The following PTPN2 variants were observed in gnomAD, a reference collection of about 807,000 sequenced individuals.
PTPN2 encodes the protein tyrosine-protein phosphatase non-receptor type 2.
A neutral mutation model predicts 57.3 loss-of-function variants in PTPN2; 19 were observed. That is an observed-to-expected ratio of 0.33 (90% CI 0.23 to 0.49). The LOEUF (loss-of-function observed/expected upper bound fraction) is 0.49, where lower values mean the gene tolerates loss of function less well. Ranked by LOEUF, PTPN2 falls within the 20% of genes least tolerant of loss-of-function variation. The probability of loss-of-function intolerance (pLI) is 0.99; values close to 1 mark genes in which losing one functional copy is unlikely to be tolerated. For synonymous variants in PTPN2, 153 were observed against 164.9 expected (o/e 0.93, Z 0.55); for missense variants, 358 against 501.1 (o/e 0.71, Z 2.73).
rs45456495 is a variant in PTPN2 at position 12,792,229 on chromosome 18, A to C, written c.*2049T>G. Reference sequence around the variant, plus strand: ...CTTTCAACATAATTTAACACATTCAAGGAGACTATGCAAATCAATTCAAAA... The same window carrying C: ...CTTTCAACATAATTTAACACATTCACGGAGACTATGCAAATCAATTCAAAA... On this transcript the variant is annotated 3_prime_UTR_variant, in exon 9 of 9. Transcript: ENST00000309660. The C allele has an allele frequency of 1.1e-6, 1 of 946,256 alleles. No homozygotes were observed. Among genetic ancestry groups the C allele is most frequent in the Non-Finnish European group, 1.3e-6 (1 of 793,958 alleles). 58.6% of individuals were successfully genotyped at this position (946,256 alleles called of 1,614,324 possible).
In PTPN2 at chr18:12,881,823, T is replaced by C. The variant is rs575284914; in HGVS notation, c.69+2250A>G. Among the ~76,000 whole-genome samples the C allele has an allele frequency of 3.3e-5, 5 of 152,334 alleles. No homozygotes were observed. In the South Asian group the frequency reaches 6.2e-4, roughly 19 times the overall value. On this transcript the variant is annotated intron_variant, in intron 1 of 8. Coordinates refer to ENST00000309660, the MANE Select transcript of PTPN2 (RefSeq NM_002828.4). ...CTGTGCTTCAAGCTAGCTTTACATG[T>C]ATCACTTTAACGTTTTCATCAGCTT...
intron 7 of PTPN2, among the ~76,000 whole-genome samples, chr18:12,812,321 C>T (rs1327383660): frequency 6.6e-6 from 1 of 152,170 alleles, no homozygotes; most frequent in African/African-American, 2.4e-5. Context: ...TCACTTTGGG[C>T]TGGGTGCGGT....
chr18:12,831,347 G>A (rs1206157885), intron 3 of PTPN2, among the ~76,000 whole-genome samples: 1 of 152,326 alleles, frequency 6.6e-6, no homozygotes, highest in South Asian at 2.1e-4. Flanking sequence ...CAAGGGTTAA[G>A]ACACAAGCAA....
chr18:12,854,003 G>A (rs2043485920), intron 2 of PTPN2, among the ~76,000 whole-genome samples: 2 of 152,128 alleles, frequency 1.3e-5, no homozygotes, highest in Admixed American at 6.6e-5. Context: ...CTGTAATGAC[G>A]AGGAAAAGCG....
At chr18:12,799,611 G>A (rs1457697903) in intron 8 of PTPN2, among the ~76,000 whole-genome samples, 5 of 149,642 alleles carry the variant, frequency 3.3e-5, no homozygotes, top group Admixed American at 3.3e-4. Context: ...TGAGATAAGA[G>A]TCTTGCTCTG....
chr18:12,832,067 G>T (rs1362414135), intron 3 of PTPN2, among the ~76,000 whole-genome samples: 1 of 152,178 alleles, frequency 6.6e-6, no homozygotes, highest in Admixed American at 6.5e-5. Context: ...GGCTAGGGCT[G>T]CCCAGAGCTT....
intron 2 of PTPN2, among the ~76,000 whole-genome samples, chr18:12,858,577 A>G (rs537346938): frequency 2.6e-5 from 4 of 152,276 alleles, no homozygotes; most frequent in African/African-American, 9.6e-5. Context: ...AAAAGTTTAC[A>G]ATGTACTGCT....
At chr18:12,841,600 C>T (rs1226544216) in intron 2 of PTPN2, among the ~76,000 whole-genome samples, 2 of 152,298 alleles carry the variant, frequency 1.3e-5, no homozygotes, top group East Asian at 3.9e-4. Context: ...TTGGTAAGTT[C>T]AACCTTTTCC....
chr18:12,835,876 C>T (rs1383904422), intron 3 of PTPN2, among the ~76,000 whole-genome samples: 2 of 152,082 alleles, frequency 1.3e-5, no homozygotes, highest in Admixed American at 6.5e-5. Context: ...GAGTTTATGT[C>T]CTTTGCCAGT....
intron 4 of PTPN2, among the ~76,000 whole-genome samples, chr18:12,828,502 T>C (rs1362497341): frequency 6.6e-6 from 1 of 152,212 alleles, no homozygotes; most frequent in African/African-American, 2.4e-5. Context: ...TTATATATTG[T>C]ATATGATATG....
downstream of PTPN2, chr18:12,787,185 T>C (rs955352937): frequency 2.0e-5 from 3 of 152,216 alleles, no homozygotes; most frequent in African/African-American, 7.2e-5. Flanking sequence ...AGAATTACTT[T>C]GGATTTTAAC....
chr18:12,864,840 T>C (rs142718126), intron 1 of PTPN2, among the ~76,000 whole-genome samples: 71 of 152,346 alleles, frequency 4.7e-4, no homozygotes, highest in African/African-American at 1.7e-3. Context: ...TTGATTCTAC[T>C]ATAGAAATAA....
intron 1 of PTPN2, chr18:12,883,697 G>C (rs1295480085): frequency 5.6e-6 from 1 of 179,760 alleles, no homozygotes; most frequent in African/African-American, 2.4e-5. Context: ...CTACGGCGAA[G>C]CTGCGGCCCG....
At chr18:12,836,097 T>C (rs1352109267) in intron 3 of PTPN2, among the ~76,000 whole-genome samples, 2 of 152,272 alleles carry the variant, frequency 1.3e-5, no homozygotes, top group Non-Finnish European at 2.9e-5. Context: ...TATTATGGTA[T>C]ATCTTTTGAA....
chr18:12,839,186 T>C (rs1476400144), intron 2 of PTPN2, among the ~76,000 whole-genome samples: 1 of 152,176 alleles, frequency 6.6e-6, no homozygotes, highest in Admixed American at 6.5e-5. Context: ...TCTTTAGTGA[T>C]GATAACAAAG....
At chr18:12,827,342 CA>C (rs200266093) in intron 4 of PTPN2, among the ~76,000 whole-genome samples, 20,676 of 136,390 alleles carry the variant, frequency 0.15, 1,535 homozygotes, top group East Asian at 0.3. Flanking sequence ...GACTCCGTCT[CA>C]AAAAAAAAAA....
chr18:12,858,619 G>C (rs2043680236), intron 2 of PTPN2, among the ~76,000 whole-genome samples: 1 of 152,138 alleles, frequency 6.6e-6, no homozygotes, highest in South Asian at 2.1e-4. Flanking sequence ...TATGTGGCAA[G>C]ATTCTAATTT....
intron 1 of PTPN2, among the ~76,000 whole-genome samples, chr18:12,873,032 C>T (rs2044321860): frequency 6.6e-6 from 1 of 152,144 alleles, no homozygotes; most frequent in African/African-American, 2.4e-5. Flanking sequence ...ACTGGCCCAG[C>T]CAACACAGCG....
chr18:12,860,490 G>A (rs189249587), intron 1 of PTPN2, among the ~76,000 whole-genome samples: 18 of 152,040 alleles, frequency 1.2e-4, no homozygotes, highest in Admixed American at 6.6e-4. Flanking sequence ...CCAGCTACTC[G>A]GGAGGCTGAG....
Sources: gnomAD v4.1 joint callset for allele counts (sites outside exome capture counted in the v4.1 genomes callset) on GRCh38, gnomAD v4.1.1 for gene constraint, MANE v1.5 for transcripts, NCBI Gene and HGNC (gene_info 2026-07-23, HGNC 2026-07-21) for gene names.